The following XXYLT1 variants were observed in gnomAD, a reference collection of about 807,000 sequenced individuals.
The protein encoded by XXYLT1 is UDP-xylose:alpha-xyloside alpha-1,3-xylosyltransferase.
XXYLT1 carries 20 observed loss-of-function variants against 28.9 expected under a neutral mutation model. That is an observed-to-expected ratio of 0.69 (90% CI 0.49 to 1.00). XXYLT1 has a LOEUF of 1.00. Ranked by LOEUF, XXYLT1 falls within the 50% of genes least tolerant of loss-of-function variation. XXYLT1 has a pLI of 0.00. For synonymous variants in XXYLT1, 257 were observed against 253.8 expected, an observed-to-expected ratio of 1.01 and a Z score of -0.12; for missense variants, 542 against 560.1, an observed-to-expected ratio of 0.97 and a Z score of 0.33.
chr3:195,238,853 A>G (rs973409311), intron 1 of XXYLT1, among the ~76,000 whole-genome samples: 11 of 152,226 alleles, frequency 7.2e-5, no homozygotes, highest in Non-Finnish European at 1.2e-4. Context: ...GGGTTCTCGC[A>G]GAAGGGAAGG....
chr3:195,090,173 G>A (rs1487177280), intron 3 of XXYLT1, among the ~76,000 whole-genome samples: 100 of 151,326 alleles, frequency 6.6e-4, no homozygotes, highest in African/African-American at 1.4e-3. Context: ...TGCACCAAGC[G>A]GACCTAATAG....
At chr3:195,162,798 A>G (rs1408618603) in intron 2 of XXYLT1, among the ~76,000 whole-genome samples, 3 of 152,236 alleles carry the variant, frequency 2.0e-5, no homozygotes, top group Non-Finnish European at 4.4e-5. Flanking sequence ...AGCACATATA[A>G]CACCCAATGT....
intron 2 of XXYLT1, among the ~76,000 whole-genome samples, chr3:195,193,806 C>T (rs914749779): frequency 1.2e-4 from 18 of 151,914 alleles, no homozygotes; most frequent in African/African-American, 3.6e-4. Context: ...TGTAATTCAA[C>T]GGGTAAAGGA....
Position 195,270,817 on chromosome 3 carries a change from G to C in XXYLT1, c.242C>G (p.Ala81Gly). 1 of 1,493,256 alleles carries C rather than the reference G, an allele frequency of 6.7e-7. No individual in the cohort carries two copies. The highest frequency in any genetic ancestry group is 8.9e-7 in the Non-Finnish European group (1 of 1,123,552). The allele number at this position is 1,493,256 out of a possible 1,614,324, so 92.5% of individuals were successfully genotyped here. The change falls in exon 1 of 4, where the codon GCC becomes GGC. Residue 81 changes from alanine (A) to glycine (G), a missense_variant. Ala to Gly is a moderately conservative substitution (Grantham distance 60). Transcript: ENST00000310380. The part of the protein sequence containing the change: ...LELARGSVAP[A>G]PGAKAKSLEG... ...CAAGCTCTTGGCCTTCGCGCCGGGG[G>C]CTGGCGCCACGGAGCCCCGCGCTAG...
chr3:195,151,991 T>C (rs1247599821), intron 3 of XXYLT1, among the ~76,000 whole-genome samples: 1 of 152,180 alleles, frequency 6.6e-6, no homozygotes, highest in Non-Finnish European at 1.5e-5. Context: ...TAATTCTCTG[T>C]GTTAGAGATA....
intron 2 of XXYLT1, among the ~76,000 whole-genome samples, chr3:195,212,648 C>T (rs1355149265): frequency 6.6e-6 from 1 of 152,196 alleles, no homozygotes; most frequent in African/African-American, 2.4e-5. Flanking sequence ...CTGTGAACTG[C>T]GCATGCGAGG....
At chr3:195,205,820 G>A (rs1279084395) in intron 2 of XXYLT1, among the ~76,000 whole-genome samples, 7 of 152,062 alleles carry the variant, frequency 4.6e-5, no homozygotes, top group Admixed American at 3.9e-4. Flanking sequence ...CCGAGATCGT[G>A]CCACTGCACT....
chr3:195,145,599 T>A (rs1719802320), intron 3 of XXYLT1, among the ~76,000 whole-genome samples: 3 of 142,098 alleles, frequency 2.1e-5, no homozygotes, highest in African/African-American at 3.0e-5. Flanking sequence ...CCTGCGAGCA[T>A]CTCTGTGAAG....
chr3:195,192,813 A>G (rs1365981272), intron 2 of XXYLT1, among the ~76,000 whole-genome samples: 1 of 152,242 alleles, frequency 6.6e-6, no homozygotes, highest in Non-Finnish European at 1.5e-5. Context: ...TTGATTAATT[A>G]AAAGCATCAG....
intron 2 of XXYLT1, chr3:195,184,713 C>G: frequency 3.0e-6 from 3 of 985,334 alleles, no homozygotes; most frequent in Non-Finnish European, 3.6e-6. Context: ...GGTAAAACTT[C>G]CAATATTTGA....
At chr3:195,074,284 C>T (rs1163873823) in intron 3 of XXYLT1, among the ~76,000 whole-genome samples, 1 of 152,222 alleles carries the variant, frequency 6.6e-6, no homozygotes, top group Non-Finnish European at 1.5e-5. Context: ...CATTTGAGGT[C>T]TGAGATTCAG....
intron 3 of XXYLT1, 98 bp downstream of exon 3, chr3:195,156,351 G>C (rs1003725905): frequency 1.3e-6 from 2 of 1,537,170 alleles, no homozygotes; most frequent in African/African-American, 1.4e-5. Flanking sequence ...CAGAAGGATC[G>C]GACGCCACTA....
At chr3:195,247,997 T>A in intron 1 of XXYLT1, 1 of 535,944 alleles carries the variant, frequency 1.9e-6, no homozygotes, top group Non-Finnish European at 3.3e-6. Flanking sequence ...ACGTGGGGAT[T>A]ACAATTTGAG....
At chr3:195,154,733 C>CCT (rs1452518191) in intron 3 of XXYLT1, among the ~76,000 whole-genome samples, 22 of 152,182 alleles carry the variant, frequency 1.4e-4, no homozygotes, top group Admixed American at 1.4e-3. Flanking sequence ...ACCCACTGGC[C>CCT]CTCTCCCAAG....
rs954115560 is a variant in XXYLT1 at position 195,124,550 on chromosome 3, G to A, written c.785+31899C>T. Among the ~76,000 whole-genome samples, 12 of 152,182 alleles carry A rather than the reference G, an allele frequency of 7.9e-5. No homozygotes were observed. Among genetic ancestry groups the A allele is most frequent in the African/African-American group, 1.9e-4 (8 of 41,448 alleles). Reference sequence around the variant, plus strand: ...TGAATTCCGTGGGGGCAAGGACCACGTTTGTTTTGCTCACGAACGCAGCCC... The same window carrying A: ...TGAATTCCGTGGGGGCAAGGACCACATTTGTTTTGCTCACGAACGCAGCCC... On this transcript the variant is annotated intron_variant, in intron 3 of 3. Coordinates refer to ENST00000310380, the MANE Select transcript of XXYLT1 (RefSeq NM_152531.5). This position sits in a 1 kb window ranked among gnomAD's most constrained non-coding sequence, Gnocchi z 4.1.
At chr3:195,225,027 G>C (rs1393742262) in intron 2 of XXYLT1, among the ~76,000 whole-genome samples, 1 of 152,176 alleles carries the variant, frequency 6.6e-6, no homozygotes, top group East Asian at 1.9e-4. Flanking sequence ...CACCTGATGG[G>C]GTAGAAGTAA....
chr3:195,259,692 G>A, intron 1 of XXYLT1: 1 of 985,216 alleles, frequency 1.0e-6, no homozygotes, highest in Non-Finnish European at 1.2e-6. Context: ...CCAGCGCCAG[G>A]GACAGACCCA....
intron 3 of XXYLT1, among the ~76,000 whole-genome samples, chr3:195,083,209 G>A (rs765294882): frequency 6.6e-6 from 1 of 152,042 alleles, no homozygotes; most frequent in Non-Finnish European, 1.5e-5. Flanking sequence ...CAGTGATGTC[G>A]CTTCTGGAGT....
chr3:195,265,906 C>T (rs1019604498), intron 1 of XXYLT1, among the ~76,000 whole-genome samples: 2 of 152,258 alleles, frequency 1.3e-5, no homozygotes, highest in Middle Eastern at 3.4e-3. Context: ...TGCATTGAAA[C>T]GAGACATAAA....
Sources: allele counts gnomAD v4.1 joint callset (sites outside exome capture counted in the v4.1 genomes callset), GRCh38; gene constraint gnomAD v4.1.1; non-coding constraint Gnocchi (gnomAD v3.1); transcripts MANE v1.5; gene names NCBI Gene and HGNC (gene_info 2026-07-23, HGNC 2026-07-21).